Variants in PSPC1 observed in about 807,000 individuals in gnomAD.
The protein encoded by PSPC1 is paraspeckle protein 1.
PSPC1 carries 14 observed loss-of-function variants against 51.6 expected under a neutral mutation model. The observed-to-expected ratio is 0.27, with a 90% CI of 0.18 to 0.42. The LOEUF is 0.42. Ranked by LOEUF, PSPC1 falls within the 10% of genes least tolerant of loss-of-function variation. The pLI, the probability that PSPC1 is intolerant of heterozygous loss-of-function variation, is 1.00. For missense variants in PSPC1, 406 were observed against 701.1 expected (o/e 0.58, Z 4.75); for synonymous variants, 193 against 231.9 (o/e 0.83, Z 1.53).
chr13:19,721,404 A>G (rs767606247), intron 6 of PSPC1, among the ~76,000 whole-genome samples: 9 of 152,312 alleles, frequency 5.9e-5, no homozygotes, highest in South Asian at 2.1e-4. Flanking sequence ...AAGAGTTAAC[A>G]TTAGCTAAAA....
intron 3 of PSPC1, among the ~76,000 whole-genome samples, chr13:19,751,885 G>C (rs1401727446): frequency 6.6e-6 from 1 of 151,982 alleles, no homozygotes; most frequent in South Asian, 2.1e-4. Context: ...GTGAAATCCC[G>C]TCTCTACTAA....
chr13:19,715,246 G>A (rs756736923), intron 6 of PSPC1, among the ~76,000 whole-genome samples: 1 of 152,190 alleles, frequency 6.6e-6, no homozygotes, highest in Non-Finnish European at 1.5e-5. Context: ...CAAAAGGTTT[G>A]AGAAGCAATA....
chr13:19,749,249 G>A (rs1361241672), intron 4 of PSPC1, among the ~76,000 whole-genome samples: 1 of 152,110 alleles, frequency 6.6e-6, no homozygotes, highest in Non-Finnish European at 1.5e-5. Context: ...TTAGGAGGCG[G>A]AGGCAGGAGG....
At chr13:19,691,451 A>T (rs1340734489) in intron 6 of PSPC1, among the ~76,000 whole-genome samples, 1 of 152,068 alleles carries the variant, frequency 6.6e-6, no homozygotes, top group Non-Finnish European at 1.5e-5. Context: ...TGGGCCTAGG[A>T]GTTTGAGGCT....
At chr13:19,761,006 A>T (rs923758634) in intron 2 of PSPC1, among the ~76,000 whole-genome samples, 2 of 151,652 alleles carry the variant, frequency 1.3e-5, no homozygotes, top group African/African-American at 4.8e-5. Flanking sequence ...AAAAAAAAAA[A>T]TTTAAAATTA....
intron 5 of PSPC1, 43 bp from the exon 6 acceptor site, chr13:19,730,387 G>A: frequency 6.6e-7 from 1 of 1,517,662 alleles, no homozygotes; most frequent in Non-Finnish European, 9.1e-7. Flanking sequence ...ATAACATGTG[G>A]GCTGCCATTG....
At chr13:19,776,242 T>C (rs894711476) in intron 1 of PSPC1, among the ~76,000 whole-genome samples, 2 of 152,052 alleles carry the variant, frequency 1.3e-5, no homozygotes, top group Non-Finnish European at 1.5e-5. Flanking sequence ...GGAGGGATCA[T>C]GTAAGCCCAG....
intron 3 of PSPC1, among the ~76,000 whole-genome samples, chr13:19,754,418 A>G (rs1180805663): frequency 6.7e-6 from 1 of 149,496 alleles, no homozygotes. Context: ...ATAAATCTAA[A>G]TCTTTAGTAA....
chr13:19,763,849 A>C (rs1887806886), intron 2 of PSPC1, among the ~76,000 whole-genome samples: 1 of 151,958 alleles, frequency 6.6e-6, no homozygotes, highest in African/African-American at 2.4e-5. Flanking sequence ...AATACAAAAA[A>C]TTGGCCGGGC....
chr13:19,677,208 G>A (rs1283889910), intron 7 of PSPC1, among the ~76,000 whole-genome samples: 1 of 146,848 alleles, frequency 6.8e-6, no homozygotes, highest in African/African-American at 2.5e-5. Context: ...ACTCCAGCCT[G>A]GGCGACAGAG....
At chr13:19,724,471 C>A (rs1456479785) in intron 6 of PSPC1, among the ~76,000 whole-genome samples, 1 of 152,180 alleles carries the variant, frequency 6.6e-6, no homozygotes, top group Non-Finnish European at 1.5e-5. Context: ...AAGAGGCTGA[C>A]TGGTTAAAGA....
downstream of PSPC1, among the ~76,000 whole-genome samples, chr13:19,698,141 A>G (rs949446105): frequency 2.6e-5 from 4 of 152,072 alleles, no homozygotes; most frequent in Non-Finnish European, 5.9e-5. Flanking sequence ...GAGAGAAAAC[A>G]TAAAACATAC....
intron 7 of PSPC1, chr13:19,677,665 C>T: frequency 2.4e-6 from 1 of 409,934 alleles, no homozygotes; most frequent in Non-Finnish European, 4.8e-6. Flanking sequence ...CTAGAAAAAA[C>T]TAGGAAGAAA....
chr13:19,768,642 T>C (rs1360179350), intron 2 of PSPC1, among the ~76,000 whole-genome samples: 4 of 150,242 alleles, frequency 2.7e-5, no homozygotes, highest in African/African-American at 9.9e-5. Context: ...AGCAAGACTC[T>C]GTCTCAAATA....
chr13:19,708,635 T>C (rs1881007270), intron 7 of PSPC1, among the ~76,000 whole-genome samples: 1 of 152,200 alleles, frequency 6.6e-6, no homozygotes, highest in Non-Finnish European at 1.5e-5. Context: ...CTCTAAAACA[T>C]GCATTGGCGA....
chr13:19,720,552 G>A (rs966657525), intron 6 of PSPC1, among the ~76,000 whole-genome samples: 1 of 152,098 alleles, frequency 6.6e-6, no homozygotes, highest in Admixed American at 6.5e-5. Flanking sequence ...TTTCTTCTAA[G>A]TAACTAACTC....
At chr13:19,676,887 C>A (rs1876695354) in intron 7 of PSPC1, among the ~76,000 whole-genome samples, 1 of 151,980 alleles carries the variant, frequency 6.6e-6, no homozygotes, top group Admixed American at 6.6e-5. Flanking sequence ...AAATTGTGAC[C>A]CCTCTCCGAA....
chr13:19,765,523 C>CAG (rs139397536), intron 2 of PSPC1, among the ~76,000 whole-genome samples: 115,626 of 143,806 alleles, frequency 0.8, 47,707 homozygotes, highest in East Asian at 0.96. Flanking sequence ...TTTTGAGAGA[C>CAG]GGGTCTCACG....
chr13:19,725,697 G>T (rs766015371), intron 6 of PSPC1, among the ~76,000 whole-genome samples: 4 of 152,102 alleles, frequency 2.6e-5, no homozygotes, highest in Non-Finnish European at 4.4e-5. Context: ...TCAACCCCTC[G>T]ACTGGATGAG....
Sources: gnomAD v4.1 joint callset for allele counts (sites outside exome capture counted in the v4.1 genomes callset) on GRCh38, gnomAD v4.1.1 for gene constraint, MANE v1.5 for transcripts, NCBI Gene and HGNC (gene_info 2026-07-23, HGNC 2026-07-21) for gene names.